Variants in LRTM2 observed in about 807,000 individuals in gnomAD.
LRTM2 encodes the protein leucine-rich repeat and transmembrane domain-containing protein 2.
In LRTM2, 18 loss-of-function variants were observed where a neutral mutation model predicts 28.1. The ratio of observed to expected loss-of-function variants is 0.64; its 90% CI spans 0.44 to 0.95. The LOEUF is 0.95. Among genes scored for constraint, LRTM2 ranks in the 40% least tolerant of loss-of-function variants. The probability of loss-of-function intolerance (pLI) is 0.00; values close to 1 mark genes in which losing one functional copy is unlikely to be tolerated. For missense variants in LRTM2, 436 were observed against 497.2 expected, an observed-to-expected ratio of 0.88 and a Z score of 1.17; for synonymous variants, 250 against 218.7, an observed-to-expected ratio of 1.14 and a Z score of -1.26.
chr12:1,831,204 G>A lies in LRTM2; in HGVS notation c.337G>A (p.Gly113Arg), dbSNP rs770648822. 88 of 1,613,694 alleles carry A rather than the reference G, an allele frequency of 5.5e-5. No homozygotes were observed. Among genetic ancestry groups the A allele is most frequent in the East Asian group, 6.7e-5 (3 of 44,898 alleles). Residue 113 changes from glycine (G) to arginine (R), a missense_variant, in exon 4 of 5, where the codon GGG becomes AGG. Coordinates refer to ENST00000299194, the MANE Select transcript of LRTM2 (RefSeq NM_001039029.3). Reference sequence around the variant, plus strand: ...GGACCGGCTGCCCCGCTCCATTTTCGGGGACCTGACGAATCTGACTGAGCT... The same window carrying A: ...GGACCGGCTGCCCCGCTCCATTTTCAGGGACCTGACGAATCTGACTGAGCT... ...FLDRLPRSIF[G>R]DLTNLTELQL...
chr12:1,827,815 G>C (rs1864409869), intron 2 of LRTM2: 1 of 315,786 alleles, frequency 3.2e-6, no homozygotes. Flanking sequence ...GATGAGGCTG[G>C]GTAGGCCCAT....
In LRTM2 at chr12:1,828,147, C is replaced by A; in HGVS notation, c.-2C>A. On this transcript the variant is annotated 5_prime_UTR_variant, in exon 3 of 5. Coordinates refer to ENST00000299194, the MANE Select transcript of LRTM2 (RefSeq NM_001039029.3). This position sits in a 1 kb window ranked among gnomAD's most constrained non-coding sequence, Gnocchi z 4.2. The stretch of plus-strand genomic sequence containing the variant: ...AGGGCCCGGAGAGCCGTGGGCCTCA[C>A]CATGCTGGCGCCGGGCAGCAGCCCT... The A allele has an allele frequency of 6.5e-7, 1 of 1,540,628 alleles. No homozygotes were observed. The highest frequency in any genetic ancestry group is 8.8e-7 in the Non-Finnish European group (1 of 1,142,168).
At position 1,820,997 on chromosome 12, in the gene LRTM2, G is replaced by A. The variant is rs896239884; in HGVS notation, c.-259+183G>A. 7.9e-5 allele frequency among the ~76,000 whole-genome samples: 12 copies of A among 152,232 alleles called. No individual in the cohort carries two copies. The highest frequency in any genetic ancestry group is 2.9e-4 in the African/African-American group (12 of 41,456). On this transcript the variant is annotated intron_variant, in intron 1 of 4. Coordinates refer to ENST00000299194, the MANE Select transcript of LRTM2 (RefSeq NM_001039029.3). The surrounding 1 kb of genome is among the most constrained non-coding windows in gnomAD (Gnocchi z 6.0). ...GCTCAGGCACCTGAGCATCCCAAAG[G>A]TGCACGACACTGGGAACTCTGAGCC...
chr12:1,828,247 CG>C lies in LRTM2; in HGVS notation c.67+35del. The C allele has an allele frequency of 7.6e-7, 1 of 1,315,306 alleles. No individual in the cohort carries two copies. Among genetic ancestry groups the C allele is most frequent in the South Asian group, 1.3e-5 (1 of 76,694 alleles). 81.5% of individuals were successfully genotyped at this position (1,315,306 alleles called of 1,614,324 possible). A position where few individuals can be genotyped will look rare whatever the true frequency, so the allele number is the denominator to read the frequency against. ...ACACCCCTGGCCTCGGAGGGGGGTGCGGGTTGGGTGGGGGTGCCGAGGTGAC... is the reference window on the plus strand; with the variant it reads ...ACACCCCTGGCCTCGGAGGGGGGTGCGGTTGGGTGGGGGTGCCGAGGTGAC... On this transcript the variant is annotated intron_variant, in intron 3 of 4. Transcript: ENST00000299194. This position sits in a 1 kb window ranked among gnomAD's most constrained non-coding sequence, Gnocchi z 4.2.
intron 1 of LRTM2, among the ~76,000 whole-genome samples, chr12:1,824,566 C>T (rs1259853472): frequency 6.6e-6 from 1 of 152,242 alleles, no homozygotes; most frequent in Non-Finnish European, 1.5e-5. Context: ...GCAGGCCCAG[C>T]ATCCAGAGTG....
At chr12:1,826,904 C>T (rs1372879112) in intron 1 of LRTM2, among the ~76,000 whole-genome samples, 1 of 152,244 alleles carries the variant, frequency 6.6e-6, no homozygotes, top group Non-Finnish European at 1.5e-5. Context: ...CTCGGCAGCT[C>T]CATCCACCTC....
In LRTM2 at chr12:1,834,276, T is replaced by C. The variant is rs769694699; in HGVS notation, c.668T>C (p.Leu223Ser). The change falls in exon 5 of 5, where the codon TTG becomes TCG. Residue 223 changes from leucine to serine, a missense_variant. Leu to Ser is a moderately radical substitution (Grantham distance 145, BLOSUM62 -2). Coordinates refer to ENST00000299194, the MANE Select transcript of LRTM2 (RefSeq NM_001039029.3). The surrounding 1 kb of genome is among the most constrained non-coding windows in gnomAD (Gnocchi z 7.6). Reference protein sequence around the residue: ...MEWFSYRGGRLDQLACTLPKE... With the variant: ...MEWFSYRGGRSDQLACTLPKE... ...TCTCTTCTGCATGTAGGGGGACGCTTGGACCAGCTTGCCTGCACCCTGCCC... is the reference window on the plus strand; with the variant it reads ...TCTCTTCTGCATGTAGGGGGACGCTCGGACCAGCTTGCCTGCACCCTGCCC... The C allele has an allele frequency of 6.4e-7, 1 of 1,573,304 alleles. No homozygotes were observed.
rs1401988049 is a variant in LRTM2, at chr12:1,831,018, G to A, written c.151G>A (p.Glu51Lys). Reference sequence around the variant, plus strand: ...CTGCAAGTGTGACAGCCGCAGCCTGGAGGTGGACTGCAGTGGCCTTGGCCT... The same window carrying A: ...CTGCAAGTGTGACAGCCGCAGCCTGAAGGTGGACTGCAGTGGCCTTGGCCT... ...FSCKCDSRSL[E>K]VDCSGLGLTT... Residue 51 changes from glutamate to lysine, a missense_variant, in exon 4 of 5, where the codon GAG becomes AAG. By Grantham distance (56) the Glu-to-Lys change is moderately conservative. Coordinates refer to ENST00000299194, the MANE Select transcript of LRTM2 (RefSeq NM_001039029.3). 6.2e-7 allele frequency: 1 copy of A among 1,614,000 alleles called. No individual in the cohort carries two copies. The highest frequency in any genetic ancestry group is 8.5e-7 in the Non-Finnish European group (1 of 1,180,034).
In LRTM2 at chr12:1,828,102, T is replaced by TC; in HGVS notation, c.-45dup. ...ACTGACAGGCGGCGCACCCAGGGGC[T>TC]CCTCTCTCCCCAGAGCGACAGGGCC... On this transcript the variant is annotated 5_prime_UTR_variant, in exon 3 of 5. Transcript: ENST00000299194. This position sits in a 1 kb window ranked among gnomAD's most constrained non-coding sequence, Gnocchi z 4.2. 1.4e-6 allele frequency: 2 copies of TC among 1,471,416 alleles called. No homozygotes were observed. Among genetic ancestry groups the TC allele is most frequent in the Non-Finnish European group, 1.8e-6 (2 of 1,106,304 alleles). 91.1% of individuals were successfully genotyped at this position (1,471,416 alleles called of 1,614,324 possible). A position where few individuals can be genotyped will look rare whatever the true frequency, so the allele number is the denominator to read the frequency against.
intron 4 of LRTM2, among the ~76,000 whole-genome samples, chr12:1,832,460 T>C (rs1864677191): frequency 6.6e-6 from 1 of 152,264 alleles, no homozygotes; most frequent in Non-Finnish European, 1.5e-5. Flanking sequence ...TAAGTGGACT[T>C]GAAACACCAT....
At chr12:1,822,857 C>T (rs918988769) in intron 1 of LRTM2, among the ~76,000 whole-genome samples, 1 of 152,158 alleles carries the variant, frequency 6.6e-6, no homozygotes, top group Admixed American at 6.5e-5. Context: ...TGCGTCCTGG[C>T]CACATGGAAT....
At chr12:1,831,549 G>GGCCC in intron 4 of LRTM2, 24 bp downstream of exon 4, 1 of 1,587,080 alleles carries the variant, frequency 6.3e-7, no homozygotes, top group Non-Finnish European at 8.6e-7. Flanking sequence ...GCCCTGCTGG[G>GGCCC]GCCCGAGGGA....
intron 1 of LRTM2, among the ~76,000 whole-genome samples, chr12:1,825,369 G>A (rs1302491361): frequency 6.6e-6 from 1 of 152,248 alleles, no homozygotes; most frequent in African/African-American, 2.4e-5. Context: ...CAGAAGGAGT[G>A]GGAGCAGACA....
At chr12:1,822,962 C>T (rs1394711943) in intron 1 of LRTM2, among the ~76,000 whole-genome samples, 2 of 152,234 alleles carry the variant, frequency 1.3e-5, no homozygotes, top group African/African-American at 4.8e-5. Context: ...CCCCTGCAGG[C>T]CCAGGGTGTG....
intron 2 of LRTM2, chr12:1,827,866 G>C (rs755968417): frequency 1.1e-5 from 4 of 377,456 alleles, no homozygotes; most frequent in African/African-American, 2.1e-5. Flanking sequence ...CCGACCCTCG[G>C]GCTCCTGGAA....
rs534525924 is a variant in LRTM2, at chr12:1,826,058, G to C, written c.-258-1352G>C. Among the ~76,000 whole-genome samples, 6 of 152,266 alleles carry C rather than the reference G, an allele frequency of 3.9e-5. No homozygotes were observed. In the East Asian group the frequency reaches 1.2e-3, roughly 29 times the overall value. The stretch of plus-strand genomic sequence containing the variant: ...AATACATAGACTCCACAGGCCCGGG[G>C]TGCTCAGGAATGAGAAACAACCTCA... On this transcript the variant is annotated intron_variant, in intron 1 of 4. Coordinates refer to ENST00000299194, the MANE Select transcript of LRTM2 (RefSeq NM_001039029.3).
chr12:1,821,525 C>G (rs77304298), intron 1 of LRTM2, among the ~76,000 whole-genome samples: 1,646 of 152,298 alleles, frequency 0.011, 34 homozygotes, highest in African/African-American at 0.038. Flanking sequence ...ACCAGGCCCG[C>G]GAGAACCTGC....
At chr12:1,832,327 T>C (rs564941646) in intron 4 of LRTM2, among the ~76,000 whole-genome samples, 1 of 152,312 alleles carries the variant, frequency 6.6e-6, no homozygotes, top group East Asian at 1.9e-4. Context: ...ATCTATTTCG[T>C]AGGGTCATTA....
chr12:1,828,120 A>G lies in LRTM2; in HGVS notation c.-29A>G. The G allele has an allele frequency of 6.6e-7, 1 of 1,509,278 alleles. No homozygotes were observed. Among genetic ancestry groups the G allele is most frequent in the Non-Finnish European group, 8.9e-7 (1 of 1,125,372 alleles). The allele number at this position is 1,509,278 out of a possible 1,614,324, so 93.5% of individuals were successfully genotyped here. A position where few individuals can be genotyped will look rare whatever the true frequency, so the allele number is the denominator to read the frequency against. On this transcript the variant is annotated 5_prime_UTR_variant, in exon 3 of 5. Coordinates refer to ENST00000299194, the MANE Select transcript of LRTM2 (RefSeq NM_001039029.3). This position sits in a 1 kb window ranked among gnomAD's most constrained non-coding sequence, Gnocchi z 4.2. ...CAGGGGCTCCTCTCTCCCCAGAGCG[A>G]CAGGGCCCGGAGAGCCGTGGGCCTC...
Sources: gnomAD v4.1 joint callset for allele counts (sites outside exome capture counted in the v4.1 genomes callset) on GRCh38, gnomAD v4.1.1 for gene constraint, Gnocchi (gnomAD v3.1) non-coding constraint, MANE v1.5 for transcripts, NCBI Gene and HGNC (gene_info 2026-07-23, HGNC 2026-07-21) for gene names.